Variants in HTRA1 observed in about 807,000 individuals in gnomAD.
HTRA1 encodes the protein serine protease HTRA1.
Under a neutral mutation model 49.7 loss-of-function variants are expected in HTRA1, and 26 were observed. The observed-to-expected ratio is 0.52, with a 90% confidence interval of 0.38 to 0.73. The LOEUF (loss-of-function observed/expected upper bound fraction) is 0.73. HTRA1 is among the 30% of genes least tolerant of loss of function. The pLI, the probability that HTRA1 is intolerant of heterozygous loss-of-function variation, is 0.00. For missense variants in HTRA1, 561 were observed against 667.2 expected (o/e 0.84, Z 1.75); for synonymous variants, 291 against 286.9 (o/e 1.01, Z -0.14).
chr10:122,498,669 C>G (rs2097499716), intron 3 of HTRA1, among the ~76,000 whole-genome samples: 2 of 152,180 alleles, frequency 1.3e-5, no homozygotes, highest in Admixed American at 1.3e-4. Context: ...AAGCCAGCAT[C>G]TGGAGAATTC....
chr10:122,510,233 A>G, intron 7 of HTRA1, 80 bp downstream of exon 7: 4 of 1,143,306 alleles, frequency 3.5e-6, no homozygotes, highest in Non-Finnish European at 5.3e-6. Flanking sequence ...CACCCCTGAA[A>G]GAGAAACCTT....
chr10:122,477,128 T>C (rs935108137), intron 1 of HTRA1, among the ~76,000 whole-genome samples: 9 of 152,028 alleles, frequency 5.9e-5, no homozygotes, highest in Admixed American at 1.3e-4. Context: ...CCACCATGCC[T>C]GGCTAATTTT....
chr10:122,501,897 T>C (rs2672609), intron 3 of HTRA1, among the ~76,000 whole-genome samples: 146,665 of 149,904 alleles, frequency 0.98, 71,818 homozygotes, highest in East Asian at 1. Context: ...TGTGAGCCTT[T>C]GAGTTATCAG....
intron 8 of HTRA1, among the ~76,000 whole-genome samples, chr10:122,512,352 G>A (rs945670024): frequency 3.3e-5 from 5 of 152,136 alleles, no homozygotes; most frequent in African/African-American, 7.2e-5. Flanking sequence ...GAGATGGCCC[G>A]GCTGGCCAGA....
At chr10:122,462,424 C>T (rs146313776) in intron 1 of HTRA1, among the ~76,000 whole-genome samples, 1 of 152,248 alleles carries the variant, frequency 6.6e-6, no homozygotes, top group African/African-American at 2.4e-5. Context: ...AACCACACAG[C>T]GCGGGGACCC....
At chr10:122,511,842 G>A (rs1452846766) in intron 7 of HTRA1, 128 bp from the exon 8 acceptor site, 1 of 699,482 alleles carries the variant, frequency 1.4e-6, no homozygotes, top group Non-Finnish European at 2.6e-6. Flanking sequence ...TTTAAAATAG[G>A]ATCAGAATTC....
chr10:122,481,368 G>C (rs1318751930), intron 1 of HTRA1, among the ~76,000 whole-genome samples: 1 of 152,174 alleles, frequency 6.6e-6, no homozygotes, highest in East Asian at 1.9e-4. Flanking sequence ...TCCCCCAAAT[G>C]CTGGCAGCCA....
At chr10:122,501,377 A>G (rs919377548) in intron 3 of HTRA1, among the ~76,000 whole-genome samples, 3 of 152,156 alleles carry the variant, frequency 2.0e-5, no homozygotes, top group Non-Finnish European at 4.4e-5. Context: ...AAACAAACAA[A>G]CAAACAAGCA....
At chr10:122,512,879 G>C (rs2097506261) in intron 8 of HTRA1, among the ~76,000 whole-genome samples, 1 of 152,054 alleles carries the variant, frequency 6.6e-6, no homozygotes, top group Non-Finnish European at 1.5e-5. Flanking sequence ...TGAGTCCCCA[G>C]AGTCCATTGT....
chr10:122,463,236 T>C (rs2097482357), intron 1 of HTRA1, among the ~76,000 whole-genome samples: 1 of 152,222 alleles, frequency 6.6e-6, no homozygotes, highest in Non-Finnish European at 1.5e-5. Flanking sequence ...AACTAGGGCT[T>C]AGCATAGTTT....
Position 122,487,174 on chromosome 10 carries a change from G to A in HTRA1, c.473-1728G>A, listed in dbSNP as rs1163847223. On this transcript the variant is annotated intron_variant, in intron 1 of 8. Transcript: ENST00000368984. This position sits in a 1 kb window ranked among gnomAD's most constrained non-coding sequence, Gnocchi z 4.8. ...CGAAAGCTTCCTGTCAATTCGTAGT[G>A]AGCAGCTAGCAGAGGAGTGCGGGTC... Among the ~76,000 whole-genome samples, 1 of 152,190 alleles carries A rather than the reference G, an allele frequency of 6.6e-6. No homozygotes were observed. The highest frequency in any genetic ancestry group is 1.5e-5 in the Non-Finnish European group (1 of 68,046).
chr10:122,470,891 G>C (rs2097485812), intron 1 of HTRA1, among the ~76,000 whole-genome samples: 1 of 152,118 alleles, frequency 6.6e-6, no homozygotes, highest in South Asian at 2.1e-4. Flanking sequence ...ATGTTCTCTT[G>C]TCCTACTGAG....
chr10:122,501,633 G>A (rs2097500900), intron 3 of HTRA1, among the ~76,000 whole-genome samples: 3 of 152,174 alleles, frequency 2.0e-5, no homozygotes, highest in Admixed American at 2.0e-4. Flanking sequence ...ATGCAGTCAG[G>A]GGAGCCACGT....
chr10:122,473,959 G>A (rs1037023214), intron 1 of HTRA1, among the ~76,000 whole-genome samples: 5 of 152,154 alleles, frequency 3.3e-5, no homozygotes, highest in African/African-American at 1.2e-4. Context: ...GAGACCAGAC[G>A]TCTATTTTAT....
chr10:122,495,498 C>T (rs929540160), intron 3 of HTRA1, among the ~76,000 whole-genome samples: 9 of 152,024 alleles, frequency 5.9e-5, no homozygotes, highest in African/African-American at 1.5e-4. Flanking sequence ...CGGGTGGGGA[C>T]GTGGCTCCTA....
At chr10:122,484,466 C>T (rs1288615409) in intron 1 of HTRA1, among the ~76,000 whole-genome samples, 3 of 152,164 alleles carry the variant, frequency 2.0e-5, no homozygotes, top group Non-Finnish European at 2.9e-5. Flanking sequence ...CGTTAGGAGG[C>T]GCCGAGGTGG....
chr10:122,503,867 C>G (rs908601727), intron 3 of HTRA1, among the ~76,000 whole-genome samples: 7 of 152,174 alleles, frequency 4.6e-5, no homozygotes, highest in African/African-American at 1.7e-4. Context: ...GGATGAAAAC[C>G]TAAACGAGAT....
At chr10:122,463,936 A>C (rs1317201626) in intron 1 of HTRA1, among the ~76,000 whole-genome samples, 1 of 152,180 alleles carries the variant, frequency 6.6e-6, no homozygotes, top group Non-Finnish European at 1.5e-5. Context: ...GGGCAGCAGG[A>C]GTGAGCCAGG....
At chr10:122,479,329 T>G (rs931230531) in intron 1 of HTRA1, among the ~76,000 whole-genome samples, 1 of 151,940 alleles carries the variant, frequency 6.6e-6, no homozygotes, top group Non-Finnish European at 1.5e-5. Context: ...GCCAGACAGA[T>G]GGGGTTAGGC....
Sources: gnomAD v4.1 joint callset for allele counts (sites outside exome capture counted in the v4.1 genomes callset) on GRCh38, gnomAD v4.1.1 for gene constraint, Gnocchi (gnomAD v3.1) non-coding constraint, MANE v1.5 for transcripts, NCBI Gene and HGNC (gene_info 2026-07-23, HGNC 2026-07-21) for gene names.